Variants in COL19A1 observed in about 807,000 individuals in gnomAD.
The protein encoded by COL19A1 is collagen alpha-1(XIX) chain.
COL19A1 carries 159 observed loss-of-function variants against 190.2 expected under a neutral mutation model. The observed-to-expected ratio is 0.84, with a 90% CI of 0.73 to 0.95. The LOEUF (loss-of-function observed/expected upper bound fraction) is 0.95. Among genes scored for constraint, COL19A1 ranks in the 40% least tolerant of loss-of-function variants. COL19A1 has a pLI of 0.00. For synonymous variants in COL19A1, 509 were observed against 458.9 expected, an observed-to-expected ratio of 1.11 and a Z score of -1.39; for missense variants, 1,418 against 1,431.9, an observed-to-expected ratio of 0.99 and a Z score of 0.16.
intron 47 of COL19A1, among the ~76,000 whole-genome samples, chr6:70,188,675 C>CTT (rs1192415651): frequency 6.9e-6 from 1 of 144,820 alleles, no homozygotes; most frequent in Non-Finnish European, 1.6e-5. Context: ...ATTTCATACT[C>CTT]TATTTTGTTG....
chr6:69,908,187 C>T (rs1330819265), intron 4 of COL19A1, among the ~76,000 whole-genome samples: 1 of 152,186 alleles, frequency 6.6e-6, no homozygotes, highest in African/African-American at 2.4e-5. Flanking sequence ...GTTCTCAAAA[C>T]AAATTCAGAG....
chr6:69,951,508 A>G (rs1774121910), intron 9 of COL19A1, among the ~76,000 whole-genome samples: 1 of 151,906 alleles, frequency 6.6e-6, no homozygotes, highest in East Asian at 1.9e-4. Context: ...ACTTGGGGGA[A>G]TTTATATTAG....
chr6:70,140,921 C>A (rs1446558875), intron 19 of COL19A1, 33 bp from the exon 20 acceptor site: 4 of 1,604,972 alleles, frequency 2.5e-6, no homozygotes, highest in Non-Finnish European at 3.4e-6. Context: ...TTTCTAAGAG[C>A]GTTTAATTCT....
At chr6:70,121,828 C>T in intron 16 of COL19A1, 52 bp from the exon 17 acceptor site, 1 of 1,115,794 alleles carries the variant, frequency 9.0e-7, no homozygotes, top group Non-Finnish European at 1.3e-6. Context: ...TTTAAATATT[C>T]ATTGTTTTGG....
intron 42 of COL19A1, among the ~76,000 whole-genome samples, chr6:70,179,207 G>A (rs1345196421): frequency 1.3e-5 from 2 of 152,100 alleles, no homozygotes; most frequent in African/African-American, 2.4e-5. Context: ...ACCTATGGAG[G>A]GATCTCCTTC....
intron 11 of COL19A1, among the ~76,000 whole-genome samples, chr6:69,997,026 T>TATATATATAGAGAG (rs576813975): frequency 9.5e-5 from 14 of 146,902 alleles, no homozygotes; most frequent in African/African-American, 3.4e-4. Context: ...TATATATATA[T>TATATATATAGAGAG]AGAGAGAGAG....
chr6:70,024,582 CG>C (rs1778621641), intron 12 of COL19A1, among the ~76,000 whole-genome samples: 1 of 143,394 alleles, frequency 7.0e-6, no homozygotes, highest in Non-Finnish European at 1.5e-5. Context: ...TGGAGAAAGT[CG>C]TGTGTGTGTG....
rs566397520 is a variant in COL19A1 at position 70,071,482 on chromosome 6, G to C, written c.1224+3006G>C. On this transcript the variant is annotated intron_variant, in intron 15 of 50. Transcript: ENST00000620364. Reference sequence around the variant, plus strand: ...TAAAAGCTATTCTTAACAATGTTCTGTGACAATATGTATCTGAAATTTATG... The same window carrying C: ...TAAAAGCTATTCTTAACAATGTTCTCTGACAATATGTATCTGAAATTTATG... 6.6e-5 allele frequency among the ~76,000 whole-genome samples: 10 copies of C among 152,170 alleles called. 1 individual carries two copies. Among genetic ancestry groups the C allele is most frequent in the African/African-American group, 2.4e-4 (10 of 41,532 alleles).
At chr6:70,141,134 A>G in intron 20 of COL19A1, 145 bp downstream of exon 20, 1 of 696,972 alleles carries the variant, frequency 1.4e-6, no homozygotes. Context: ...GTGATTTTTA[A>G]CTCTTTTATT....
chr6:70,037,474 A>G (rs1233535911), intron 14 of COL19A1, among the ~76,000 whole-genome samples: 2 of 149,880 alleles, frequency 1.3e-5, no homozygotes, highest in African/African-American at 4.9e-5. Flanking sequence ...TGTAGAATTA[A>G]AAAAAAAAAA....
intron 37 of COL19A1, 53 bp from the exon 38 acceptor site, chr6:70,167,972 G>C: frequency 7.7e-7 from 1 of 1,292,796 alleles, no homozygotes; most frequent in Non-Finnish European, 1.1e-6. Flanking sequence ...AAAATGTAGA[G>C]ATGCAAAGTA....
At chr6:69,919,006 G>T (rs1481235284) in intron 4 of COL19A1, among the ~76,000 whole-genome samples, 1 of 152,172 alleles carries the variant, frequency 6.6e-6, no homozygotes, top group Non-Finnish European at 1.5e-5. Flanking sequence ...GAGAGAAATA[G>T]ACAAGGTTTA....
intron 14 of COL19A1, among the ~76,000 whole-genome samples, chr6:70,051,035 C>CA (rs1159501606): frequency 6.6e-6 from 1 of 152,052 alleles, no homozygotes; most frequent in African/African-American, 2.4e-5. Context: ...ATGTAAGGGT[C>CA]AAACAGGATG....
At chr6:69,928,785 A>G (rs968491992) in intron 5 of COL19A1, among the ~76,000 whole-genome samples, 3 of 152,218 alleles carry the variant, frequency 2.0e-5, no homozygotes, top group Non-Finnish European at 4.4e-5. Flanking sequence ...AGGAACCTCA[A>G]AATTACTTGT....
At chr6:69,900,889 T>C (rs898843285) in intron 4 of COL19A1, among the ~76,000 whole-genome samples, 1 of 152,206 alleles carries the variant, frequency 6.6e-6, no homozygotes, top group Non-Finnish European at 1.5e-5. Flanking sequence ...TTACTTTTTC[T>C]TTCTTTTTTC....
chr6:69,937,739 A>C (rs1290745382), intron 8 of COL19A1, among the ~76,000 whole-genome samples: 1 of 152,128 alleles, frequency 6.6e-6, no homozygotes, highest in Non-Finnish European at 1.5e-5. Context: ...TTGCATAGTA[A>C]GCTCTACGAG....
intron 34 of COL19A1, among the ~76,000 whole-genome samples, chr6:70,157,829 A>T (rs1321588544): frequency 6.6e-6 from 1 of 152,166 alleles, no homozygotes; most frequent in Admixed American, 6.6e-5. Context: ...TAGGCTTTAG[A>T]GGCAATTGAG....
intron 18 of COL19A1, 88 bp downstream of exon 18, chr6:70,130,311 C>CA: frequency 9.2e-7 from 1 of 1,087,762 alleles, no homozygotes; most frequent in Non-Finnish European, 1.3e-6. Context: ...CTATAACCTC[C>CA]ACCTCCCAGG....
intron 14 of COL19A1, among the ~76,000 whole-genome samples, chr6:70,061,752 T>C (rs528991197): frequency 1.9e-3 from 285 of 152,240 alleles, no homozygotes; most frequent in African/African-American, 6.1e-3. Flanking sequence ...AAAAATGTTA[T>C]ATATTAGTTT....
Sources: allele counts gnomAD v4.1 joint callset (sites outside exome capture counted in the v4.1 genomes callset), GRCh38; gene constraint gnomAD v4.1.1; transcripts MANE v1.5; gene names NCBI Gene and HGNC (gene_info 2026-07-23, HGNC 2026-07-21).